The following GALNTL6 variants were observed in gnomAD, a reference collection of about 807,000 sequenced individuals.
GALNTL6 encodes polypeptide N-acetylgalactosaminyltransferase like 6, also known as polypeptide N-acetylgalactosaminyltransferase-like 6.
GALNTL6 carries 46 observed loss-of-function variants against 73.7 expected under a neutral mutation model. The ratio of observed to expected loss-of-function variants is 0.62; its 90% CI spans 0.49 to 0.80. The LOEUF (loss-of-function observed/expected upper bound fraction) is 0.80. Ranked by LOEUF, GALNTL6 falls within the 30% of genes least tolerant of loss-of-function variation. GALNTL6 has a pLI of 0.00. For missense variants in GALNTL6, 604 were observed against 755.0 expected (o/e 0.80, Z 2.34); for synonymous variants, 259 against 263.7 (o/e 0.98, Z 0.17).
chr4:172,042,382 G>C (rs1039661410), intron 2 of GALNTL6, among the ~76,000 whole-genome samples: 2 of 151,926 alleles, frequency 1.3e-5, no homozygotes, highest in Non-Finnish European at 2.9e-5. Context: ...ATAAAAATAA[G>C]CCTTTAACTC....
chr4:172,449,773 C>T (rs989796711), intron 5 of GALNTL6, among the ~76,000 whole-genome samples: 1 of 152,174 alleles, frequency 6.6e-6, no homozygotes, highest in African/African-American at 2.4e-5. Context: ...AGATGCTGTG[C>T]TTACACAGAT....
At chr4:172,157,704 A>T (rs2110780964) in intron 2 of GALNTL6, among the ~76,000 whole-genome samples, 1 of 152,264 alleles carries the variant, frequency 6.6e-6, no homozygotes, top group African/African-American at 2.4e-5. Flanking sequence ...ACGATATTTT[A>T]AAGATGGGTT....
rs1174848207 is a variant in GALNTL6 at position 172,318,177 on chromosome 4, CA to C, written c.386+6426del. ...ATGCACAGTAATACAGACATTAGTA[CA>C]TAAGTTCTCAGGGTCATTACAGAAA... On this transcript the variant is annotated intron_variant, in intron 4 of 12. Transcript: ENST00000506823. 4.6e-5 allele frequency among the ~76,000 whole-genome samples: 7 copies of C among 152,236 alleles called. No individual in the cohort carries two copies. The East Asian group carries it at 1.4e-3, about 29-fold the overall frequency.
At chr4:172,584,456 A>G (rs62330038) in intron 5 of GALNTL6, among the ~76,000 whole-genome samples, 12,540 of 152,278 alleles carry the variant, frequency 0.082, 705 homozygotes, top group East Asian at 0.22. Flanking sequence ...AAGTCAGGTG[A>G]CATTGATTGG....
At chr4:171,873,899 A>G (rs1363656761) in intron 2 of GALNTL6, among the ~76,000 whole-genome samples, 1 of 152,182 alleles carries the variant, frequency 6.6e-6, no homozygotes, top group Non-Finnish European at 1.5e-5. Flanking sequence ...CTATTAGGTT[A>G]TTGAAATGTC....
intron 2 of GALNTL6, among the ~76,000 whole-genome samples, chr4:172,068,710 T>C (rs1489860201): frequency 9.0e-6 from 1 of 111,056 alleles, no homozygotes; most frequent in East Asian, 2.1e-4. Flanking sequence ...CTCCTTTATA[T>C]TGTAAATTCC....
At chr4:172,670,438 A>G (rs75191818) in intron 5 of GALNTL6, among the ~76,000 whole-genome samples, 2,813 of 152,124 alleles carry the variant, frequency 0.018, 80 homozygotes, top group African/African-American at 0.063. Flanking sequence ...TGTTGGTTGC[A>G]TGTACATCTT....
chr4:172,982,453 G>C (rs1221755354), intron 10 of GALNTL6, among the ~76,000 whole-genome samples: 1 of 152,158 alleles, frequency 6.6e-6, no homozygotes, highest in Non-Finnish European at 1.5e-5. Flanking sequence ...CTCTAGAATT[G>C]AGACTGCTAT....
intron 2 of GALNTL6, among the ~76,000 whole-genome samples, chr4:172,015,887 G>A (rs1472107021): frequency 7.1e-6 from 1 of 140,904 alleles, no homozygotes; most frequent in East Asian, 2.2e-4. Context: ...TGGCTTATAA[G>A]CTACCTGCTG....
At chr4:172,495,217 G>A (rs1194825572) in intron 5 of GALNTL6, among the ~76,000 whole-genome samples, 2 of 152,142 alleles carry the variant, frequency 1.3e-5, no homozygotes, top group African/African-American at 4.8e-5. Flanking sequence ...TAGGCAAAAG[G>A]TGAGGTAACC....
At chr4:171,872,337 CAT>C (rs1465410912) in intron 2 of GALNTL6, among the ~76,000 whole-genome samples, 3 of 152,142 alleles carry the variant, frequency 2.0e-5, no homozygotes, top group Middle Eastern at 3.4e-3. Flanking sequence ...ATATTATATA[CAT>C]ATGTTATTCT....
In GALNTL6 at chr4:171,873,303, A is replaced by G. The variant is rs188591738; in HGVS notation, c.138+58585A>G. On this transcript the variant is annotated intron_variant, in intron 2 of 12. Transcript: ENST00000506823. ...ATATTTACTATGTTGTATTTGTTCA[A>G]TATAGGATGATTGAACGAACTTGAA... 1.5e-3 allele frequency among the ~76,000 whole-genome samples: 227 copies of G among 152,340 alleles called. 1 individual carries two copies. Among genetic ancestry groups the G allele is most frequent in the African/African-American group, 4.8e-3 (200 of 41,584 alleles).
At chr4:172,420,251 A>G (rs1055295782) in intron 5 of GALNTL6, among the ~76,000 whole-genome samples, 3 of 152,198 alleles carry the variant, frequency 2.0e-5, no homozygotes, top group African/African-American at 7.2e-5. Flanking sequence ...GGGTCATTTC[A>G]GCTTACATTG....
chr4:172,762,570 C>T (rs1738173341), intron 5 of GALNTL6, among the ~76,000 whole-genome samples: 2 of 152,024 alleles, frequency 1.3e-5, no homozygotes, highest in South Asian at 4.1e-4. Flanking sequence ...ACCCCATCAT[C>T]AGCTCTCTTT....
chr4:172,604,604 A>G (rs940245520), intron 5 of GALNTL6, among the ~76,000 whole-genome samples: 6 of 152,230 alleles, frequency 3.9e-5, no homozygotes, highest in Admixed American at 2.0e-4. Flanking sequence ...TTTAAAGGTA[A>G]CAAAATTAAA....
chr4:172,864,642 A>G (rs1291280649), intron 7 of GALNTL6, among the ~76,000 whole-genome samples: 1 of 152,194 alleles, frequency 6.6e-6, no homozygotes, highest in African/African-American at 2.4e-5. Context: ...GCTGCTTAAG[A>G]TAAAATGGGA....
At chr4:172,196,680 C>T (rs191801496) in intron 2 of GALNTL6, among the ~76,000 whole-genome samples, 14 of 152,172 alleles carry the variant, frequency 9.2e-5, no homozygotes, top group East Asian at 5.8e-4. Flanking sequence ...ACAAACAGAA[C>T]GAAAGACAAA....
intron 7 of GALNTL6, among the ~76,000 whole-genome samples, chr4:172,868,418 G>A (rs535829451): frequency 6.6e-6 from 1 of 152,084 alleles, no homozygotes. Context: ...ATGAATACAC[G>A]ATATAAAAAT....
intron 8 of GALNTL6, among the ~76,000 whole-genome samples, chr4:172,889,927 C>G (rs887568562): frequency 1.3e-5 from 2 of 152,022 alleles, no homozygotes; most frequent in Non-Finnish European, 2.9e-5. Flanking sequence ...GATTAAATAT[C>G]AGAACTCGAT....
Sources: allele counts gnomAD v4.1 joint callset (sites outside exome capture counted in the v4.1 genomes callset), GRCh38; gene constraint gnomAD v4.1.1; transcripts MANE v1.5; gene names NCBI Gene and HGNC (gene_info 2026-07-23, HGNC 2026-07-21).